The following TMEM183A variants were observed in gnomAD, a reference collection of about 807,000 sequenced individuals.
The protein encoded by TMEM183A is chromosome 1 open reading frame 37.
A neutral mutation model predicts 46.7 loss-of-function variants in TMEM183A; 21 were observed. The ratio of observed to expected loss-of-function variants is 0.45; its 90% CI spans 0.32 to 0.65. The LOEUF (loss-of-function observed/expected upper bound fraction) is 0.65. Among genes scored for constraint, TMEM183A ranks in the 30% least tolerant of loss-of-function variants. The pLI, the probability that TMEM183A is intolerant of heterozygous loss-of-function variation, is 0.04. For synonymous variants in TMEM183A, 165 were observed against 180.2 expected (o/e 0.92, Z 0.68); for missense variants, 331 against 481.9 (o/e 0.69, Z 2.93).
At chr1:203,010,947 A>C (rs954752257) in intron 3 of TMEM183A, among the ~76,000 whole-genome samples, 2 of 152,204 alleles carry the variant, frequency 1.3e-5, no homozygotes, top group Admixed American at 1.3e-4. Context: ...GGAATCATAC[A>C]ATATATAGTC....
At position 203,013,076 on chromosome 1, in the gene TMEM183A, A is replaced by G. The variant is rs867664673; in HGVS notation, c.368-1813A>G. On this transcript the variant is annotated intron_variant, in intron 3 of 7. Transcript: ENST00000367242. This position sits in a 1 kb window ranked among gnomAD's most constrained non-coding sequence, Gnocchi z 4.0. ...TTCTCTTTCAAAGAGAGAAGAGGTAATGTGGGAGAAAGTGGGGCCTAGACA... is the reference window on the plus strand; with the variant it reads ...TTCTCTTTCAAAGAGAGAAGAGGTAGTGTGGGAGAAAGTGGGGCCTAGACA... Among the ~76,000 whole-genome samples, 1 of 152,236 alleles carries G rather than the reference A, an allele frequency of 6.6e-6. No individual in the cohort carries two copies. The highest frequency in any genetic ancestry group is 2.4e-5 in the African/African-American group (1 of 41,458).
intron 2 of TMEM183A, 89 bp downstream of exon 2, chr1:203,007,952 C>T (rs1158896011): frequency 6.0e-6 from 9 of 1,508,476 alleles, no homozygotes; most frequent in East Asian, 2.3e-5. Context: ...CTTTAGTCGT[C>T]TTCCTGTAAC....
At position 203,007,555 on chromosome 1, in the gene TMEM183A, C is replaced by T. The variant is rs768533828; in HGVS notation, c.90C>T (p.His30=). Residue 30 remains histidine (H), a synonymous_variant, in exon 1 of 8, where the codon CAC becomes CAT. Coordinates refer to ENST00000367242, the MANE Select transcript of TMEM183A (RefSeq NM_138391.6). The part of the protein sequence containing the change: ...KRGKRLKFRA[H]DACSGRVTVA... ...GAAAGCGACTCAAGTTCCGGGCCCA[C>T]GACGCCTGCTCCGGCCGAGGTGGGC... 1.4e-5 allele frequency: 21 copies of T among 1,547,766 alleles called. No homozygotes were observed. The South Asian group carries it at 2.1e-4, about 16-fold the overall frequency.
In TMEM183A at chr1:203,022,820, G is replaced by A. The variant is rs762752039; in HGVS notation, c.946-35G>A. The A allele has an allele frequency of 1.1e-5, 18 of 1,613,262 alleles. No individual in the cohort carries two copies. The East Asian group carries it at 2.9e-4, about 26-fold the overall frequency. On this transcript the variant is annotated intron_variant, in intron 7 of 7. Transcript: ENST00000367242. ...GTGAGCTCTTGGAAACCAAGGTTGT[G>A]TAAGTTGGATACTGAATTTGCTTTT...
chr1:203,018,520 C>G lies in TMEM183A; in HGVS notation c.748C>G (p.Gln250Glu), dbSNP rs748083730. 1.2e-6 allele frequency: 2 copies of G among 1,613,228 alleles called. No homozygotes were observed. Among genetic ancestry groups the G allele is most frequent in the Non-Finnish European group, 1.7e-6 (2 of 1,179,984 alleles). The change falls in exon 6 of 8, where the codon CAG (glutamine) becomes GAG (glutamate). Residue 250 changes from glutamine to glutamate, a missense_variant. By Grantham distance (29) the Gln-to-Glu change is conservative. Around this residue, in one of 2 missense-constraint regions of TMEM183A, gnomAD observed 233 missense variants for 385.8 expected, o/e 0.60. Coordinates refer to ENST00000367242, the MANE Select transcript of TMEM183A (RefSeq NM_138391.6). ...FWCRKIVGNRQEPMWEFNFKF... is the reference protein window; with the variant it reads ...FWCRKIVGNREEPMWEFNFKF... ...GTGCAGAAAGATTGTTGGGAACAGA[C>G]AGGAACCAATGTGGGAATTCAACTT...
Position 203,012,985 on chromosome 1 carries a change from G to A in TMEM183A, c.368-1904G>A, listed in dbSNP as rs539759655. Among the ~76,000 whole-genome samples, 9 of 152,292 alleles carry A rather than the reference G, an allele frequency of 5.9e-5. No homozygotes were observed. The East Asian group carries it at 1.2e-3, about 20-fold the overall frequency. On this transcript the variant is annotated intron_variant, in intron 3 of 7. Transcript: ENST00000367242. The stretch of plus-strand genomic sequence containing the variant: ...TCCTCCCACCTTGGCCTCCCAAAGC[G>A]TTGAGATTACAGGCATGAGCCACTG...
rs775199471 is a variant in TMEM183A, at chr1:203,007,524, A to C, written c.59A>C (p.Lys20Thr). The C allele has an allele frequency of 1.3e-6, 2 of 1,543,012 alleles. No homozygotes were observed. The highest frequency in any genetic ancestry group is 1.9e-5 in the Admixed American group (1 of 51,852). The change falls in exon 1 of 8, where the codon AAG becomes ACG. Residue 20 changes from lysine to threonine, a missense_variant. Lys to Thr is a moderately conservative substitution (Grantham distance 78). Around this residue, in one of 2 missense-constraint regions of TMEM183A, gnomAD observed 98 missense variants for 96.1 expected, o/e 1.02. Transcript: ENST00000367242. Reference protein sequence around the residue: ...RPRPDTVAMPKRGKRLKFRAH... With the variant: ...RPRPDTVAMPTRGKRLKFRAH... ...CGCCCCGATACGGTCGCCATGCCCA[A>C]GAGAGGAAAGCGACTCAAGTTCCGG...
chr1:203,012,148 T>TCTCACACACACACACACA lies in TMEM183A; in HGVS notation c.368-2740_368-2739insTCACACACACACACACAC, dbSNP rs1553249434. Among the ~76,000 whole-genome samples the TCTCACACACACACACACA allele has an allele frequency of 5.9e-3, 465 of 79,450 alleles. 57 individuals are homozygous for TCTCACACACACACACACA. Among genetic ancestry groups the TCTCACACACACACACACA allele is most frequent in the South Asian group, 0.017 (34 of 2,036 alleles). The allele number at this position is 79,450 out of a possible 152,430, so 52.1% of individuals were successfully genotyped here. A position where few individuals can be genotyped will look rare whatever the true frequency, so the allele number is the denominator to read the frequency against. On this transcript the variant is annotated intron_variant, in intron 3 of 7. Coordinates refer to ENST00000367242, the MANE Select transcript of TMEM183A (RefSeq NM_138391.6). ...ACTTCAACCATTACCCCCCACTCCATCACACACACACACACACACACACAC... is the reference window on the plus strand; with the variant it reads ...ACTTCAACCATTACCCCCCACTCCATCTCACACACACACACACACACACACACACACACACACACACAC...
chr1:203,007,909 A>G (rs752383079), intron 2 of TMEM183A, 46 bp downstream of exon 2: 7 of 1,603,054 alleles, frequency 4.4e-6, no homozygotes, highest in South Asian at 2.2e-5. Flanking sequence ...CGAAGACAGA[A>G]CTAGGTATTT....
intron 6 of TMEM183A, 88 bp downstream of exon 6, chr1:203,018,649 A>T: frequency 2.1e-6 from 3 of 1,401,022 alleles, no homozygotes; most frequent in Non-Finnish European, 3.0e-6. Context: ...GTGTTGCTAT[A>T]ACAGTACCAC....
At chr1:203,018,927 G>T (rs769780426) in intron 6 of TMEM183A, among the ~76,000 whole-genome samples, 28 of 152,142 alleles carry the variant, frequency 1.8e-4, no homozygotes, top group Non-Finnish European at 3.5e-4. Context: ...CTCCCCAGTA[G>T]GTCACCTCCT....
chr1:203,020,846 C>T lies in TMEM183A; in HGVS notation c.843C>T (p.Tyr281=), dbSNP rs3737887. The change falls in exon 7 of 8, where the codon TAC becomes TAT. Residue 281 remains tyrosine (Y), a synonymous_variant. Coordinates refer to ENST00000367242, the MANE Select transcript of TMEM183A (RefSeq NM_138391.6). ...CTGGLQPPVQ[Y]EDVHTNPDQD... ...GAGGATTGCAGCCTCCCGTTCAGTA[C>T]GAAGATGTTCATACCAATCCAGACC... The T allele has an allele frequency of 4.5e-4, 729 of 1,613,996 alleles. 7 individuals carry two copies. The East Asian group carries it at 8.5e-3, about 19-fold the overall frequency.
chr1:203,017,075 G>T (rs909338908), intron 5 of TMEM183A, among the ~76,000 whole-genome samples: 1 of 152,012 alleles, frequency 6.6e-6, no homozygotes, highest in Non-Finnish European at 1.5e-5. Flanking sequence ...CGAGATTATC[G>T]AGGTTCCCCC....
rs1258434984 is a variant in TMEM183A, at chr1:203,022,859, C to T, written c.950C>T (p.Thr317Ile). ...IVMGMIFTLFTINVSTDMRHH... is the reference protein window; with the variant it reads ...IVMGMIFTLFIINVSTDMRHH... ...GAATTTGCTTTTCCATTTCAGTTTA[C>T]TATCAATGTGAGCACGGACATGCGG... The change falls in exon 8 of 8, where the codon ACT becomes ATT. Residue 317 changes from threonine (T) to isoleucine (I), a missense_variant. Physicochemically the swap from Thr to Ile is moderately conservative, Grantham distance 89 (BLOSUM62 -1). Transcript: ENST00000367242. 6.2e-7 allele frequency: 1 copy of T among 1,613,726 alleles called. No individual in the cohort carries two copies. The highest frequency in any genetic ancestry group is 8.5e-7 in the Non-Finnish European group (1 of 1,179,850).
rs757638527 is a variant in TMEM183A, at chr1:203,007,782, G to A, written c.118G>A (p.Ala40Thr). 1 of 1,614,034 alleles carries A rather than the reference G, an allele frequency of 6.2e-7. No individual in the cohort carries two copies. Among genetic ancestry groups the A allele is most frequent in the Middle Eastern group, 1.7e-4 (1 of 6,056 alleles). ...HDACSGRVTV[A>T]DYANSDPAVV... ...TTGGTGCTGTGTTGCAGTGACCGTGGCGGATTACGCCAACTCGGATCCGGC... is the reference window on the plus strand; with the variant it reads ...TTGGTGCTGTGTTGCAGTGACCGTGACGGATTACGCCAACTCGGATCCGGC... The change falls in exon 2 of 8, where the codon GCG becomes ACG. Residue 40 changes from alanine to threonine, a missense_variant. Ala to Thr is a moderately conservative substitution (Grantham distance 58). This residue lies in a region of TMEM183A where 98 missense variants were observed against 96.1 expected (regional missense o/e 1.02). Transcript: ENST00000367242.
intron 3 of TMEM183A, among the ~76,000 whole-genome samples, chr1:203,011,457 A>G (rs1311375652): frequency 6.6e-6 from 1 of 151,932 alleles, no homozygotes; most frequent in Non-Finnish European, 1.5e-5. Context: ...ACCAGGCTGG[A>G]GTGCAATGTC....
chr1:203,020,726 T>C (rs1172905462), intron 6 of TMEM183A, 67 bp from the exon 7 acceptor site: 17 of 1,594,288 alleles, frequency 1.1e-5, no homozygotes, highest in Non-Finnish European at 5.1e-6. Flanking sequence ...AGGATTTTCT[T>C]TGGTGGACTC....
At chr1:203,009,785 A>C (rs952213439) in intron 3 of TMEM183A, among the ~76,000 whole-genome samples, 2 of 152,194 alleles carry the variant, frequency 1.3e-5, no homozygotes, top group Admixed American at 6.5e-5. Context: ...TGCTTAGCCC[A>C]GAATTTTTAA....
intron 3 of TMEM183A, among the ~76,000 whole-genome samples, chr1:203,012,031 T>TG (rs909645404): frequency 6.6e-6 from 1 of 151,982 alleles, no homozygotes; most frequent in Admixed American, 6.6e-5. Flanking sequence ...GCTTCAACAA[T>TG]GATCAACTCA....
Sources: gnomAD v4.1 joint callset for allele counts (sites outside exome capture counted in the v4.1 genomes callset) on GRCh38, gnomAD v4.1.1 for gene constraint, gnomAD v4.1.1 regional missense constraint, Gnocchi (gnomAD v3.1) non-coding constraint, MANE v1.5 for transcripts, NCBI Gene and HGNC (gene_info 2026-07-23, HGNC 2026-07-21) for gene names.